FOXP1: variants seen among roughly 807,000 people sequenced by gnomAD.
FOXP1 encodes forkhead box protein P1.
In FOXP1, 15 loss-of-function variants were observed where a neutral mutation model predicts 98.2. That is an observed-to-expected ratio of 0.15 (90% CI 0.10 to 0.24). The LOEUF (loss-of-function observed/expected upper bound fraction) is 0.24. FOXP1 is among the 10% of genes least tolerant of loss of function. The pLI, the probability that FOXP1 is intolerant of heterozygous loss-of-function variation, is 1.00. For missense variants in FOXP1, 633 were observed against 848.5 expected (o/e 0.75, Z 3.15); for synonymous variants, 371 against 314.5 (o/e 1.18, Z -1.90).
At position 70,972,040 on chromosome 3, in the gene FOXP1, G is replaced by A. The variant is rs751401292; in HGVS notation, c.1652+515C>T. 1.6e-5 allele frequency: 23 copies of A among 1,461,314 alleles called. No homozygotes were observed. The highest frequency in any genetic ancestry group is 2.6e-5 in the East Asian group (1 of 39,134). The allele number at this position is 1,461,314 out of a possible 1,614,324, so 90.5% of individuals were successfully genotyped here. A position where few individuals can be genotyped will look rare whatever the true frequency, so the allele number is the denominator to read the frequency against. On this transcript the variant is annotated intron_variant, in intron 18 of 20. Transcript: ENST00000649528. Reference sequence around the variant, plus strand: ...CGACAAGCTCGTCAAAGTTTTCATCGGGGCAGTATTTGCGAGGACGGCCTC... The same window carrying A: ...CGACAAGCTCGTCAAAGTTTTCATCAGGGCAGTATTTGCGAGGACGGCCTC...
intron 7 of FOXP1, 119 bp from the exon 8 acceptor site, chr3:71,053,892 T>C: frequency 2.9e-6 from 3 of 1,020,392 alleles, no homozygotes; most frequent in Middle Eastern, 2.5e-4. Context: ...CCATGCAACA[T>C]GTATTTATCC....
chr3:71,276,745 G>T (rs990215600), intron 5 of FOXP1, among the ~76,000 whole-genome samples: 1 of 151,994 alleles, frequency 6.6e-6, no homozygotes, highest in Admixed American at 6.6e-5. Flanking sequence ...GAATCATTTC[G>T]GGGTGTTAGG....
chr3:70,967,311 C>T (rs1488112794), intron 19 of FOXP1, among the ~76,000 whole-genome samples: 1 of 152,156 alleles, frequency 6.6e-6, no homozygotes. Flanking sequence ...CTGTACAAAC[C>T]GCAAAGCCAG....
chr3:71,030,982 T>C (rs1466914147), intron 11 of FOXP1, among the ~76,000 whole-genome samples: 1 of 152,232 alleles, frequency 6.6e-6, no homozygotes, highest in East Asian at 1.9e-4. Context: ...CAGACATAGA[T>C]ATCCGCCTGA....
intron 7 of FOXP1, among the ~76,000 whole-genome samples, chr3:71,104,804 T>G (rs920498792): frequency 1.3e-5 from 2 of 152,202 alleles, no homozygotes; most frequent in South Asian, 2.1e-4. Flanking sequence ...CGTCCTGATA[T>G]ATAAACCCTA....
chr3:71,572,038 A>G (rs1299602210), intron 2 of FOXP1: 1 of 152,246 alleles, frequency 6.6e-6, no homozygotes, highest in Non-Finnish European at 1.5e-5. Flanking sequence ...ACACTGAAGA[A>G]CAAGGTGCTA....
chr3:70,974,300 T>C (rs1237102672), intron 17 of FOXP1, among the ~76,000 whole-genome samples: 2 of 152,146 alleles, frequency 1.3e-5, no homozygotes, highest in African/African-American at 2.4e-5. Context: ...ATAAGCAGTT[T>C]TTTTTTTTCT....
chr3:71,550,260 G>A (rs934873310), intron 2 of FOXP1, among the ~76,000 whole-genome samples: 1 of 152,096 alleles, frequency 6.6e-6, no homozygotes. Flanking sequence ...AAATCACATA[G>A]CAAAGCTGGT....
At chr3:71,229,581 C>A (rs2066117785) in intron 5 of FOXP1, among the ~76,000 whole-genome samples, 1 of 151,992 alleles carries the variant, frequency 6.6e-6, no homozygotes, top group South Asian at 2.1e-4. Context: ...ATGTTGAATA[C>A]TGTCAGGGAA....
At chr3:71,147,010 C>G (rs1321619621) in intron 6 of FOXP1, among the ~76,000 whole-genome samples, 1 of 152,202 alleles carries the variant, frequency 6.6e-6, no homozygotes, top group Non-Finnish European at 1.5e-5. Flanking sequence ...CACAAAGCCC[C>G]TCGTGCTCCA....
chr3:71,346,516 T>A (rs563714801), intron 4 of FOXP1, among the ~76,000 whole-genome samples: 1 of 152,328 alleles, frequency 6.6e-6, no homozygotes, highest in South Asian at 2.1e-4. Flanking sequence ...AGTAATAGTA[T>A]AGTATCCAAC....
At chr3:71,414,061 A>G (rs1308633201) in intron 3 of FOXP1, among the ~76,000 whole-genome samples, 1 of 152,028 alleles carries the variant, frequency 6.6e-6, no homozygotes, top group Non-Finnish European at 1.5e-5. Context: ...AAAGCCACCC[A>G]CGGGTTGCTG....
intron 3 of FOXP1, among the ~76,000 whole-genome samples, chr3:71,413,370 A>G (rs1431658143): frequency 6.6e-6 from 1 of 151,606 alleles, no homozygotes; most frequent in East Asian, 1.9e-4. Flanking sequence ...CTGCCATTAC[A>G]AAGAATGATA....
chr3:71,456,336 T>A (rs1426104467), intron 3 of FOXP1, among the ~76,000 whole-genome samples: 1 of 152,194 alleles, frequency 6.6e-6, no homozygotes, highest in Non-Finnish European at 1.5e-5. Context: ...AGGGTTTCTG[T>A]TACTTTCAAT....
At position 71,295,566 on chromosome 3, in the gene FOXP1, A is replaced by G. The variant is rs185992842; in HGVS notation, c.-12+4254T>C. 4.4e-3 allele frequency among the ~76,000 whole-genome samples: 392 copies of G among 88,138 alleles called. 2 individuals carry two copies. Among genetic ancestry groups the G allele is most frequent in the African/African-American group, 0.012 (369 of 29,660 alleles). The allele number at this position is 88,138 out of a possible 152,430, so 57.8% of individuals were successfully genotyped here. ...TTTTCTCTCAAATAACCTGACTTTA[A>G]AAAAAAAACTGAACCAATACACAAA... is the stretch of plus-strand genomic sequence containing the variant. On this transcript the variant is annotated intron_variant, in intron 5 of 20. Coordinates refer to ENST00000649528, the MANE Select transcript of FOXP1 (RefSeq NM_001349338.3).
chr3:71,271,740 G>T (rs2070375223), intron 5 of FOXP1, among the ~76,000 whole-genome samples: 1 of 152,168 alleles, frequency 6.6e-6, no homozygotes, highest in East Asian at 1.9e-4. Context: ...AGAGACAGAG[G>T]CTGCTCACGT....
At chr3:71,215,706 C>G (rs919508543) in intron 5 of FOXP1, among the ~76,000 whole-genome samples, 1 of 152,134 alleles carries the variant, frequency 6.6e-6, no homozygotes, top group African/African-American at 2.4e-5. Flanking sequence ...TATATGAGGA[C>G]TATAACATCA....
intron 12 of FOXP1, among the ~76,000 whole-genome samples, chr3:71,007,887 T>C (rs1049445360): frequency 6.6e-6 from 1 of 152,222 alleles, no homozygotes; most frequent in Non-Finnish European, 1.5e-5. Flanking sequence ...TCTGGGCATT[T>C]TCTTCAACAT....
chr3:71,516,625 C>T (rs1435109002), intron 2 of FOXP1, among the ~76,000 whole-genome samples: 1 of 152,124 alleles, frequency 6.6e-6, no homozygotes, highest in African/African-American at 2.4e-5. Context: ...GCGGGTGGAT[C>T]TCCTGAGGTC....
Sources: allele counts gnomAD v4.1 joint callset (sites outside exome capture counted in the v4.1 genomes callset), GRCh38; gene constraint gnomAD v4.1.1; transcripts MANE v1.5; gene names NCBI Gene and HGNC (gene_info 2026-07-23, HGNC 2026-07-21).